Variants in MTM1 observed in about 807,000 individuals in gnomAD.
The protein encoded by MTM1 is myotubularin 1.
Under a neutral mutation model 52.1 loss-of-function variants are expected in MTM1, and 9 were observed. The ratio of observed to expected loss-of-function variants is 0.17; its 90% CI spans 0.10 to 0.30. The LOEUF (loss-of-function observed/expected upper bound fraction) is 0.30. Ranked by LOEUF, MTM1 falls within the 10% of genes least tolerant of loss-of-function variation. The probability of loss-of-function intolerance (pLI) is 1.00; values close to 1 mark genes in which losing one functional copy is unlikely to be tolerated. For synonymous variants in MTM1, 136 were observed against 163.8 expected (o/e 0.83, Z 1.29); for missense variants, 277 against 470.7 (o/e 0.59, Z 3.81).
intron 1 of MTM1, among the ~76,000 whole-genome samples, chrX:150,587,484 C>A (rs1353874429): frequency 8.9e-6 from 1 of 111,859 alleles, no homozygotes; most frequent in Non-Finnish European, 1.9e-5. Flanking sequence ...TAAAAATGAA[C>A]CAAACTTCTG....
At chrX:150,597,816 G>C (rs1364513498) in intron 3 of MTM1, among the ~76,000 whole-genome samples, 1 of 111,873 alleles carries the variant, frequency 8.9e-6, no homozygotes, top group Non-Finnish European at 1.9e-5. Context: ...GTTTGGTGCG[G>C]TGGCTCACAC....
chrX:150,637,682 A>G (rs1489129319), intron 6 of MTM1, among the ~76,000 whole-genome samples: 1 of 112,159 alleles, frequency 8.9e-6, no homozygotes, highest in East Asian at 2.8e-4. Context: ...GATTAAGATT[A>G]TTGGATCAGA....
At chrX:150,582,961 T>C (rs782474611) in intron 1 of MTM1, among the ~76,000 whole-genome samples, 1 of 101,186 alleles carries the variant, frequency 9.9e-6, no homozygotes, top group South Asian at 4.3e-4. Flanking sequence ...TGGATTTGCC[T>C]ATGTTTTCAT....
At chrX:150,572,530 A>G (rs1206171824) in intron 1 of MTM1, among the ~76,000 whole-genome samples, 1 of 112,133 alleles carries the variant, frequency 8.9e-6, no homozygotes, top group Non-Finnish European at 1.9e-5. Flanking sequence ...CTGGTATACC[A>G]TAACAAGTTT....
chrX:150,645,814 A>G lies in MTM1; in HGVS notation c.810A>G (p.Gln270=), dbSNP rs782474609. ...ATGTTATCAGGGAGACTAATAAACA[A>G]ATTTCTAAACTCACCATTTATGATG... ...YLDVIRETNK[Q]ISKLTIYDAR... is the part of the protein sequence containing the mutation. Residue 270 remains glutamine, a synonymous_variant, in exon 9 of 15, where the codon CAA becomes CAG. Transcript: ENST00000370396. The G allele has an allele frequency of 1.7e-6, 2 of 1,211,122 alleles. No homozygotes were observed. Among genetic ancestry groups the G allele is most frequent in the Non-Finnish European group, 2.2e-6 (2 of 895,026 alleles).
At position 150,663,665 on chromosome X, in the gene MTM1, TG is replaced by T. The variant is rs781846997; in HGVS notation, c.1644+57del. 80 of 1,074,679 alleles carry T rather than the reference TG, an allele frequency of 7.4e-5. No homozygotes were observed. In the East Asian group the frequency reaches 2.4e-3, roughly 32 times the overall value. 88.6% of individuals were successfully genotyped at this position (1,074,679 alleles called of 1,213,427 possible). On this transcript the variant is annotated intron_variant, in intron 14 of 14. Transcript: ENST00000370396. ...AATGTCAACTGCTTGCCTTAGATAA[TG>T]TTATTTGGTATGGATTTTTTTTAAC...
chrX:150,633,137 A>G (rs782443391), intron 6 of MTM1, among the ~76,000 whole-genome samples: 1 of 112,090 alleles, frequency 8.9e-6, no homozygotes, highest in Non-Finnish European at 1.9e-5. Flanking sequence ...CTTTTTTCCA[A>G]AATAGTTTCA....
intron 1 of MTM1, among the ~76,000 whole-genome samples, chrX:150,571,686 C>G (rs1301811266): frequency 8.9e-6 from 1 of 112,465 alleles, no homozygotes; most frequent in Non-Finnish European, 1.9e-5. Context: ...CGACATTTCT[C>G]TGCATTTCCT....
chrX:150,569,100 C>G (rs1002750261), intron 1 of MTM1, among the ~76,000 whole-genome samples: 17 of 113,805 alleles, frequency 1.5e-4, no homozygotes, highest in Non-Finnish European at 2.4e-4. Flanking sequence ...AGCGGGCGTC[C>G]GTCGCATCCC....
chrX:150,605,216 T>C (rs1476518086), intron 4 of MTM1, among the ~76,000 whole-genome samples: 2 of 112,152 alleles, frequency 1.8e-5, no homozygotes, highest in African/African-American at 6.5e-5. Context: ...TCACTCGTGG[T>C]CATTTCACAC....
chrX:150,666,118 A>T (rs1270907725), intron 14 of MTM1, among the ~76,000 whole-genome samples: 2 of 112,504 alleles, frequency 1.8e-5, no homozygotes, highest in South Asian at 3.6e-4. Context: ...TTCCATAATG[A>T]GCTGATTGCC....
At chrX:150,567,715 G>A (rs2038281758), upstream of MTM1, among the ~76,000 whole-genome samples, 1 of 110,955 alleles carries the variant, frequency 9.0e-6, no homozygotes, top group South Asian at 3.8e-4. Context: ...CACCACGCCT[G>A]GATAATTTTT....
Position 150,671,485 on chromosome X carries a change from A to G in MTM1, c.1702A>G (p.Ile568Val), listed in dbSNP as rs587783807. 35 of 1,208,993 alleles carry G rather than the reference A, an allele frequency of 2.9e-5. No individual in the cohort carries two copies. The highest frequency in any genetic ancestry group is 3.7e-5 in the Non-Finnish European group (33 of 895,101). Residue 568 changes from isoleucine (I) to valine (V), a missense_variant, in exon 15 of 15, where the codon ATA becomes GTA. Ile to Val is a conservative substitution (Grantham distance 29). Coordinates refer to ENST00000370396, the MANE Select transcript of MTM1 (RefSeq NM_000252.3). ...GCTCTTAGCCTTACGCGACGAATAC[A>G]TAAAGCGGCTTGAGGAACTGCAGCT... ...MELLALRDEYIKRLEELQLAN... is the reference protein window; with the variant it reads ...MELLALRDEYVKRLEELQLAN...
upstream of MTM1, among the ~76,000 whole-genome samples, chrX:150,565,488 C>T (rs782455689): frequency 3.6e-5 from 4 of 112,273 alleles, no homozygotes; most frequent in South Asian, 1.5e-3. Flanking sequence ...TCCCCTGCCT[C>T]AGGCCCAATA....
chrX:150,643,313 G>A (rs1046289100), intron 8 of MTM1, among the ~76,000 whole-genome samples: 6 of 112,059 alleles, frequency 5.4e-5, no homozygotes, highest in African/African-American at 1.3e-4. Context: ...AATAATCAAT[G>A]TGCATTAAAT....
chrX:150,613,497 T>A (rs2039328736), intron 4 of MTM1, among the ~76,000 whole-genome samples: 1 of 112,280 alleles, frequency 8.9e-6, no homozygotes, highest in African/African-American at 3.2e-5. Context: ...CTTCCTTCTG[T>A]TAAGTGATAG....
chrX:150,668,782 C>A (rs1258333967), intron 14 of MTM1, among the ~76,000 whole-genome samples: 1 of 111,881 alleles, frequency 8.9e-6, no homozygotes, highest in Non-Finnish European at 1.9e-5. Context: ...GTCTTCACAG[C>A]TTCCTTGTTG....
Position 150,671,461 on chromosome X carries a change from C to T in MTM1, c.1678C>T (p.Leu560Phe), listed in dbSNP as rs1557415135. ...PNPVEQRYME[L>F]LALRDEYIKR... is the part of the protein sequence containing the mutation. ...TCCAGTGGAGCAGCGTTACATGGAGCTCTTAGCCTTACGCGACGAATACAT... is the reference window on the plus strand; with the variant it reads ...TCCAGTGGAGCAGCGTTACATGGAGTTCTTAGCCTTACGCGACGAATACAT... Residue 560 changes from leucine to phenylalanine, a missense_variant, in exon 15 of 15, where the codon CTC becomes TTC. Around this residue, in one of 4 missense-constraint regions of MTM1, gnomAD observed 51 missense variants for 52.2 expected, o/e 0.98. Transcript: ENST00000370396. 3 of 1,211,179 alleles carry T rather than the reference C, an allele frequency of 2.5e-6. No homozygotes were observed. The South Asian group carries it at 5.3e-5, about 21-fold the overall frequency.
chrX:150,626,697 C>A (rs1240665372), intron 6 of MTM1, among the ~76,000 whole-genome samples: 1 of 110,937 alleles, frequency 9.0e-6, no homozygotes, highest in Non-Finnish European at 1.9e-5. Flanking sequence ...TTTAGTGGAC[C>A]CTTACTTTCT....
Sources: allele counts gnomAD v4.1 joint callset (sites outside exome capture counted in the v4.1 genomes callset), GRCh38; gene constraint gnomAD v4.1.1; regional missense constraint gnomAD v4.1.1; transcripts MANE v1.5; gene names NCBI Gene and HGNC (gene_info 2026-07-23, HGNC 2026-07-21).